The following BCL2L14 variants were observed in gnomAD, a reference collection of about 807,000 sequenced individuals.
BCL2L14 encodes apoptosis facilitator Bcl-2-like protein 14.
In BCL2L14, 27 loss-of-function variants were observed where a neutral mutation model predicts 35.3. That is an observed-to-expected ratio of 0.76 (90% CI 0.56 to 1.05). The LOEUF (loss-of-function observed/expected upper bound fraction) is 1.05. Ranked by LOEUF, BCL2L14 falls within the 50% of genes least tolerant of loss-of-function variation. BCL2L14 has a pLI of 0.00. For synonymous variants in BCL2L14, 139 were observed against 145.9 expected (o/e 0.95, Z 0.34); for missense variants, 377 against 382.6 (o/e 0.99, Z 0.12).
At chr12:12,050,914 G>A (rs1948349652) in intron 1 of BCL2L14, among the ~76,000 whole-genome samples, 1 of 152,056 alleles carries the variant, frequency 6.6e-6, no homozygotes. Context: ...GCCATCCTGG[G>A]CCTCATGCAG....
chr12:12,063,674 G>T (rs1318548099), intron 2 of BCL2L14, among the ~76,000 whole-genome samples: 1 of 152,064 alleles, frequency 6.6e-6, no homozygotes, highest in African/African-American at 2.4e-5. Flanking sequence ...AATATAAGAA[G>T]ACAGGAATGT....
intron 4 of BCL2L14, among the ~76,000 whole-genome samples, chr12:12,092,994 G>A (rs1949226564): frequency 6.6e-6 from 1 of 152,140 alleles, no homozygotes; most frequent in African/African-American, 2.4e-5. Context: ...ATGACAACCA[G>A]CATATTAACA....
At position 12,078,836 on chromosome 12, in the gene BCL2L14, C is replaced by T. The variant is rs150335802; in HGVS notation, c.-7-463C>T. ...TTTTTGAGACGGAGTCTCACTCTGT[C>T]GCCAGGCTGGAGTGCAGTGGCGCAA... On this transcript the variant is annotated intron_variant, in intron 1 of 5. Transcript: ENST00000308721. Among the ~76,000 whole-genome samples, 189 of 151,974 alleles carry T rather than the reference C, an allele frequency of 1.2e-3. 4 individuals carry two copies. In the East Asian group the frequency reaches 0.035, roughly 28 times the overall value.
chr12:12,080,106 G>A (rs904667812), intron 2 of BCL2L14, among the ~76,000 whole-genome samples: 1 of 152,014 alleles, frequency 6.6e-6, no homozygotes, highest in African/African-American at 2.4e-5. Flanking sequence ...TCGGGAGGCT[G>A]AGGCAGGAGA....
chr12:12,067,655 A>G (rs1171667247), upstream of BCL2L14, among the ~76,000 whole-genome samples: 1 of 152,150 alleles, frequency 6.6e-6, no homozygotes, highest in East Asian at 1.9e-4. Context: ...CGTCCACCAA[A>G]TTTTTAGCAG....
intron 2 of BCL2L14, among the ~76,000 whole-genome samples, chr12:12,059,850 T>C (rs1948494679): frequency 6.6e-6 from 1 of 152,138 alleles, no homozygotes; most frequent in South Asian, 2.1e-4. Flanking sequence ...ACTTTCAATT[T>C]TTCCATCCTA....
At chr12:12,083,037 T>A (rs1274300659) in intron 2 of BCL2L14, among the ~76,000 whole-genome samples, 1 of 152,208 alleles carries the variant, frequency 6.6e-6, no homozygotes, top group Admixed American at 6.5e-5. Context: ...TGATCTCGGC[T>A]CACTGCAACC....
intron 2 of BCL2L14, among the ~76,000 whole-genome samples, chr12:12,065,767 G>T (rs1948586622): frequency 6.6e-6 from 1 of 151,944 alleles, no homozygotes; most frequent in Admixed American, 6.6e-5. Flanking sequence ...GGGAGACATG[G>T]GGAGCAGAGA....
At chr12:12,066,494 G>T (rs528557231), upstream of BCL2L14, among the ~76,000 whole-genome samples, 1 of 152,164 alleles carries the variant, frequency 6.6e-6, no homozygotes, top group African/African-American at 2.4e-5. Flanking sequence ...TTTTATCTAA[G>T]ATATATTTCC....
At chr12:12,053,883 G>A (rs1261797405) in intron 2 of BCL2L14, among the ~76,000 whole-genome samples, 3 of 152,264 alleles carry the variant, frequency 2.0e-5, no homozygotes, top group East Asian at 1.9e-4. Context: ...TTCTGTTCAC[G>A]TGTGGCTGAT....
At chr12:12,059,975 A>C (rs755228858) in intron 2 of BCL2L14, among the ~76,000 whole-genome samples, 4 of 151,906 alleles carry the variant, frequency 2.6e-5, no homozygotes, top group Admixed American at 6.6e-5. Flanking sequence ...GCAACTCATC[A>C]CAAATCTTCC....
chr12:12,050,661 A>G (rs1163870435), intron 1 of BCL2L14, among the ~76,000 whole-genome samples: 1 of 151,702 alleles, frequency 6.6e-6, no homozygotes, highest in Non-Finnish European at 1.5e-5. Context: ...CAGAAGAACT[A>G]CAGAAACTAT....
chr12:12,063,240 C>A (rs11054658), intron 2 of BCL2L14, among the ~76,000 whole-genome samples: 120,027 of 146,296 alleles, frequency 0.82, 49,336 homozygotes, highest in East Asian at 0.92. Flanking sequence ...CTGATATCTC[C>A]TGGTGCTATC....
At chr12:12,095,011 G>A in intron 5 of BCL2L14, 81 bp downstream of exon 5, 2 of 1,512,746 alleles carry the variant, frequency 1.3e-6, no homozygotes, top group South Asian at 1.3e-5. Flanking sequence ...TTTAAATGAA[G>A]GGAACACATC....
chr12:12,075,433 C>CTTTCTT (rs1412649013), intron 1 of BCL2L14, among the ~76,000 whole-genome samples: 1 of 105,444 alleles, frequency 9.5e-6, no homozygotes, highest in Non-Finnish European at 2.1e-5. Context: ...TTCTTTCTTT[C>CTTTCTT]TTTTTTTTTT....
chr12:12,063,899 C>G (rs760774009), intron 2 of BCL2L14, among the ~76,000 whole-genome samples: 2 of 151,996 alleles, frequency 1.3e-5, no homozygotes, highest in Non-Finnish European at 1.5e-5. Flanking sequence ...GACCCCCACT[C>G]GTGCCCGCCA....
intron 1 of BCL2L14, among the ~76,000 whole-genome samples, chr12:12,078,257 AAG>A (rs905373441): frequency 6.6e-6 from 1 of 152,170 alleles, no homozygotes; most frequent in Admixed American, 6.6e-5. Flanking sequence ...AGAAAAAAGA[AAG>A]AGAGAGAGAG....
In BCL2L14 at chr12:12,099,525, C is replaced by T. The variant is rs1383927438; in HGVS notation, c.*537C>T. ...TTGGAGAGGTAACTGTTGTCTGTGCCTTTTTGAAAAACTTCCATTTGGTAC... is the reference window on the plus strand; with the variant it reads ...TTGGAGAGGTAACTGTTGTCTGTGCTTTTTTGAAAAACTTCCATTTGGTAC... On this transcript the variant is annotated 3_prime_UTR_variant, in exon 6 of 6. Transcript: ENST00000308721. 2 of 152,222 alleles carry T rather than the reference C, an allele frequency of 1.3e-5. No homozygotes were observed. Among genetic ancestry groups the T allele is most frequent in the Non-Finnish European group, 2.9e-5 (2 of 68,082 alleles). The allele number at this position is 152,222 out of a possible 1,614,324, so 9.4% of individuals were successfully genotyped here. A position where few individuals can be genotyped will look rare whatever the true frequency, so the allele number is the denominator to read the frequency against.
In BCL2L14 at chr12:12,079,611, G is replaced by C. The variant is rs1197781721; in HGVS notation, c.306G>C (p.Lys102Asn). The change falls in exon 2 of 6, where the codon AAG becomes AAC. Residue 102 changes from lysine (K) to asparagine (N), a missense_variant. Physicochemically the swap from Lys to Asn is moderately conservative, Grantham distance 94. Coordinates refer to ENST00000308721, the MANE Select transcript of BCL2L14 (RefSeq NM_138723.2). ...AAGCATTCTTTGGAGTAGTGGAGAAGGAAGATTCGCAGAGCACGCCTGCCA... is the reference window on the plus strand; with the variant it reads ...AAGCATTCTTTGGAGTAGTGGAGAACGAAGATTCGCAGAGCACGCCTGCCA... ...SWKAFFGVVE[K>N]EDSQSTPAKV... The C allele has an allele frequency of 3.1e-6, 5 of 1,614,200 alleles. No individual in the cohort carries two copies. The highest frequency in any genetic ancestry group is 1.7e-5 in the Admixed American group (1 of 60,028).
Sources: allele counts gnomAD v4.1 joint callset (sites outside exome capture counted in the v4.1 genomes callset), GRCh38; gene constraint gnomAD v4.1.1; transcripts MANE v1.5; gene names NCBI Gene and HGNC (gene_info 2026-07-23, HGNC 2026-07-21).